Variants in ANKS1B observed in about 807,000 individuals in gnomAD.
The protein encoded by ANKS1B is ankyrin repeat and sterile alpha motif domain-containing protein 1B.
In ANKS1B, 36 loss-of-function variants were observed where a neutral mutation model predicts 148.3. That is an observed-to-expected ratio of 0.24 (90% CI 0.19 to 0.32). The LOEUF is 0.32. Ranked by LOEUF, ANKS1B falls within the 10% of genes least tolerant of loss-of-function variation. ANKS1B has a pLI of 1.00. For missense variants in ANKS1B, 1,157 were observed against 1,542.6 expected, an observed-to-expected ratio of 0.75 and a Z score of 4.19; for synonymous variants, 542 against 560.8, an observed-to-expected ratio of 0.97 and a Z score of 0.47.
rs558098111 is a variant in ANKS1B at position 98,789,108 on chromosome 12, C to T, written c.3343-6971G>A. On this transcript the variant is annotated intron_variant, in intron 22 of 26. Coordinates refer to ENST00000683438, the MANE Select transcript of ANKS1B (RefSeq NM_001352186.2). The stretch of plus-strand genomic sequence containing the variant: ...CTATAATCTCAGCACTCTGAGAGGC[C>T]GAGACGGGCAGATCACTGAAGATCA... Among the ~76,000 whole-genome samples, 283 of 152,236 alleles carry T rather than the reference C, an allele frequency of 1.9e-3. 1 individual carries two copies. Among genetic ancestry groups the T allele is most frequent in the African/African-American group, 6.4e-3 (267 of 41,532 alleles).
At chr12:98,796,898 C>T (rs547472471) in intron 22 of ANKS1B, among the ~76,000 whole-genome samples, 1 of 152,250 alleles carries the variant, frequency 6.6e-6, no homozygotes, top group South Asian at 2.1e-4. Flanking sequence ...AATTTCAGAT[C>T]CACTCAATTT....
chr12:99,224,718 T>C (rs1215307329), intron 14 of ANKS1B, among the ~76,000 whole-genome samples: 2 of 152,164 alleles, frequency 1.3e-5, no homozygotes, highest in Non-Finnish European at 2.9e-5. Context: ...AACAGACTAA[T>C]ACATCATCAC....
At chr12:98,907,044 T>C (rs1404420176) in intron 17 of ANKS1B, among the ~76,000 whole-genome samples, 1 of 148,886 alleles carries the variant, frequency 6.7e-6, no homozygotes, top group African/African-American at 2.5e-5. Flanking sequence ...TGTGTGTGTG[T>C]GTGTATGTAT....
rs527579753 is a variant in ANKS1B at position 99,848,477 on chromosome 12, T to C, written c.135-23088A>G. ...CAAAGCTGGAAGACTTAAAGTACCA[T>C]ATATCACGATAATGTAAAAGAACAA... On this transcript the variant is annotated intron_variant, in intron 1 of 26. Coordinates refer to ENST00000683438, the MANE Select transcript of ANKS1B (RefSeq NM_001352186.2). 7.9e-5 allele frequency among the ~76,000 whole-genome samples: 12 copies of C among 152,242 alleles called. No homozygotes were observed. The East Asian group carries it at 1.2e-3, about 15-fold the overall frequency.
chr12:98,834,046 C>T (rs1258264628), intron 17 of ANKS1B, among the ~76,000 whole-genome samples: 1 of 152,180 alleles, frequency 6.6e-6, no homozygotes, highest in African/African-American at 2.4e-5. Context: ...ACACTACGCC[C>T]TATTCCTTTG....
At chr12:98,885,767 C>T (rs2099738367) in intron 17 of ANKS1B, among the ~76,000 whole-genome samples, 1 of 152,168 alleles carries the variant, frequency 6.6e-6, no homozygotes, top group Admixed American at 6.5e-5. Flanking sequence ...ACAAAGATTG[C>T]ATACAGCTTG....
intron 11 of ANKS1B, among the ~76,000 whole-genome samples, chr12:99,443,368 C>T (rs533052694): frequency 1.3e-5 from 2 of 151,994 alleles, no homozygotes; most frequent in African/African-American, 4.8e-5. Flanking sequence ...TATGTAACAG[C>T]TCAATAATTG....
intron 17 of ANKS1B, among the ~76,000 whole-genome samples, chr12:99,046,726 G>A (rs1471096376): frequency 1.3e-5 from 2 of 151,712 alleles, no homozygotes; most frequent in Non-Finnish European, 2.9e-5. Context: ...GTGAACCCAG[G>A]AGGTGGAGCT....
intron 8 of ANKS1B, among the ~76,000 whole-genome samples, chr12:99,694,096 A>C (rs1428938915): frequency 6.8e-6 from 1 of 147,926 alleles, no homozygotes; most frequent in African/African-American, 2.5e-5. Flanking sequence ...GGACATTTTT[A>C]TTCAAAGTTG....
intron 19 of ANKS1B, among the ~76,000 whole-genome samples, chr12:98,821,403 G>A (rs1023213087): frequency 3.9e-5 from 6 of 152,162 alleles, no homozygotes; most frequent in African/African-American, 1.4e-4. Flanking sequence ...ATGGGAGGAG[G>A]TGCCTCCTTA....
At chr12:99,265,781 A>G (rs1201265886) in intron 12 of ANKS1B, among the ~76,000 whole-genome samples, 2 of 152,066 alleles carry the variant, frequency 1.3e-5, no homozygotes, top group African/African-American at 4.8e-5. Context: ...ATCCAATGGT[A>G]CCTCCTCACT....
chr12:99,910,444 ACAGT>A lies in ANKS1B; in HGVS notation c.134+73656_134+73659del, dbSNP rs750555246. The stretch of plus-strand genomic sequence containing the variant: ...CTGAAAACATGCTAAGTGAAAGAAG[ACAGT>A]CATATAGGCCACACATTGTATGATT... On this transcript the variant is annotated intron_variant, in intron 1 of 26. Transcript: ENST00000683438. Among the ~76,000 whole-genome samples, 13 of 152,220 alleles carry A rather than the reference ACAGT, an allele frequency of 8.5e-5. No individual in the cohort carries two copies. The East Asian group carries it at 1.2e-3, about 14-fold the overall frequency.
intron 17 of ANKS1B, among the ~76,000 whole-genome samples, chr12:98,881,560 G>C (rs915934801): frequency 6.6e-6 from 1 of 152,040 alleles, no homozygotes. Flanking sequence ...TCAAAAAATA[G>C]TTTCTGAACA....
At chr12:99,118,634 C>T (rs2061975793) in intron 15 of ANKS1B, among the ~76,000 whole-genome samples, 1 of 152,158 alleles carries the variant, frequency 6.6e-6, no homozygotes, top group Non-Finnish European at 1.5e-5. Flanking sequence ...ACCCACCAGA[C>T]TGCAGATAAT....
chr12:99,869,736 C>T (rs538238286), intron 1 of ANKS1B, among the ~76,000 whole-genome samples: 33 of 149,256 alleles, frequency 2.2e-4, no homozygotes, highest in African/African-American at 8.1e-4. Context: ...ATCTTTTCAA[C>T]AAGTGGTGCT....
intron 10 of ANKS1B, among the ~76,000 whole-genome samples, chr12:99,462,611 G>A (rs1432872900): frequency 6.6e-6 from 1 of 152,136 alleles, no homozygotes; most frequent in Admixed American, 6.5e-5. Context: ...AGGTACTAAT[G>A]ACTGAGACAG....
intron 9 of ANKS1B, among the ~76,000 whole-genome samples, chr12:99,580,688 T>A (rs2097562235): frequency 6.6e-6 from 1 of 152,186 alleles, no homozygotes; most frequent in African/African-American, 2.4e-5. Context: ...AATAGCACAG[T>A]AGGATCACTA....
intron 10 of ANKS1B, among the ~76,000 whole-genome samples, chr12:99,482,210 G>A (rs972201339): frequency 2.6e-5 from 4 of 151,886 alleles, no homozygotes; most frequent in Admixed American, 1.3e-4. Context: ...TTTATATGTG[G>A]TGAGAGATAG....
intron 8 of ANKS1B, among the ~76,000 whole-genome samples, chr12:99,711,350 T>G (rs931623160): frequency 6.6e-6 from 1 of 152,150 alleles, no homozygotes; most frequent in Non-Finnish European, 1.5e-5. Flanking sequence ...TAAATTTGTG[T>G]GATGTGGGTT....
Sources: gnomAD v4.1 joint callset for allele counts (sites outside exome capture counted in the v4.1 genomes callset) on GRCh38, gnomAD v4.1.1 for gene constraint, MANE v1.5 for transcripts, NCBI Gene and HGNC (gene_info 2026-07-23, HGNC 2026-07-21) for gene names.